HORMAD1: variants seen among roughly 807,000 people sequenced by gnomAD.
HORMAD1 encodes HORMA domain containing 1, also known as HORMA domain-containing protein 1.
HORMAD1 carries 33 observed loss-of-function variants against 58.2 expected under a neutral mutation model. The ratio of observed to expected loss-of-function variants is 0.57; its 90% CI spans 0.43 to 0.76. The LOEUF (loss-of-function observed/expected upper bound fraction) is 0.76, where lower values mean the gene tolerates loss of function less well. Ranked by LOEUF, HORMAD1 falls within the 30% of genes least tolerant of loss-of-function variation. HORMAD1 has a pLI of 0.00. For synonymous variants in HORMAD1, 137 were observed against 144.6 expected, an observed-to-expected ratio of 0.95 and a Z score of 0.38; for missense variants, 363 against 462.0, an observed-to-expected ratio of 0.79 and a Z score of 1.96.
chr1:150,704,381 A>C (rs755742023), intron 10 of HORMAD1, 38 bp from the exon 11 acceptor site: 7 of 1,309,356 alleles, frequency 5.3e-6, no homozygotes, highest in African/African-American at 3.0e-5. Flanking sequence ...GACACATTTC[A>C]AAAAGGAACT....
chr1:150,714,047 C>G, intron 5 of HORMAD1, 38 bp downstream of exon 5: 1 of 1,281,622 alleles, frequency 7.8e-7, no homozygotes, highest in Non-Finnish European at 1.1e-6. Context: ...AGATCATAAA[C>G]TGTAGAAAAA....
At chr1:150,710,062 G>T (rs1447389201) in intron 7 of HORMAD1, among the ~76,000 whole-genome samples, 2 of 152,128 alleles carry the variant, frequency 1.3e-5, no homozygotes, top group Non-Finnish European at 2.9e-5. Flanking sequence ...AGAGACCGGC[G>T]CCGGTGCAGG....
rs181007822 is a variant in HORMAD1 at position 150,714,747 on chromosome 1, T to C, written c.179-69A>G. 4.5e-5 allele frequency: 31 copies of C among 685,100 alleles called. No individual in the cohort carries two copies. In the East Asian group the frequency reaches 8.9e-4, roughly 20 times the overall value. 42.4% of individuals were successfully genotyped at this position (685,100 alleles called of 1,614,324 possible). ...AAACAACTAGAAATTTTAAATGAAG[T>C]TTATTTTCTTCTGCTGTGTATTACA... On this transcript the variant is annotated intron_variant, in intron 3 of 14. Transcript: ENST00000361824.
chr1:150,699,609 C>T (rs1438965730), intron 14 of HORMAD1, among the ~76,000 whole-genome samples: 2 of 151,872 alleles, frequency 1.3e-5, no homozygotes, highest in African/African-American at 4.8e-5. Flanking sequence ...ACTGCAACCT[C>T]CACCTCCCAG....
Position 150,706,894 on chromosome 1 carries a change from G to A in HORMAD1, c.548-85C>T, listed in dbSNP as rs587756217. 4.3e-6 allele frequency: 5 copies of A among 1,164,958 alleles called. No homozygotes were observed. In the South Asian group the frequency reaches 6.9e-5, roughly 16 times the overall value. 72.2% of individuals were successfully genotyped at this position (1,164,958 alleles called of 1,614,324 possible). On this transcript the variant is annotated intron_variant, in intron 9 of 14. Coordinates refer to ENST00000361824, the MANE Select transcript of HORMAD1 (RefSeq NM_032132.5). ...TTATAAAAACACACGCAGATTGCAG[G>A]TATTTCAAATAGTATATAAGGGCAT... is the stretch of plus-strand genomic sequence containing the variant.
At chr1:150,716,072 G>A (rs1368416149) in intron 3 of HORMAD1, among the ~76,000 whole-genome samples, 2 of 150,358 alleles carry the variant, frequency 1.3e-5, no homozygotes, top group African/African-American at 4.9e-5. Context: ...GCAACAAAAA[G>A]GGATGAAGCA....
chr1:150,708,137 G>A, intron 9 of HORMAD1, 119 bp downstream of exon 9: 4 of 656,324 alleles, frequency 6.1e-6, no homozygotes, highest in Non-Finnish European at 1.0e-5. Flanking sequence ...GTGATATTAA[G>A]TGTAAATTTT....
chr1:150,719,361 T>C lies in HORMAD1; in HGVS notation c.33+112A>G, dbSNP rs1652176393. 4.4e-6 allele frequency: 3 copies of C among 684,022 alleles called. No individual in the cohort carries two copies. In the South Asian group the frequency reaches 5.5e-5, roughly 12 times the overall value. 42.4% of individuals were successfully genotyped at this position (684,022 alleles called of 1,614,324 possible). ...TTTCTTAAAACATGCAGTTTCCTGGTATCATAAAACCCTCAAATAGTTGAG... is the reference window on the plus strand; with the variant it reads ...TTTCTTAAAACATGCAGTTTCCTGGCATCATAAAACCCTCAAATAGTTGAG... On this transcript the variant is annotated intron_variant, in intron 2 of 14. Transcript: ENST00000361824.
chr1:150,705,369 T>C (rs924318119), intron 10 of HORMAD1, among the ~76,000 whole-genome samples: 5 of 150,516 alleles, frequency 3.3e-5, no homozygotes, highest in Non-Finnish European at 7.4e-5. Context: ...CTACTAAAAA[T>C]ACAAAATTAG....
At chr1:150,719,729 A>T (rs587679390) in intron 1 of HORMAD1, among the ~76,000 whole-genome samples, 191 bp from the exon 2 acceptor site, 1 of 152,224 alleles carries the variant, frequency 6.6e-6, no homozygotes, top group Non-Finnish European at 1.5e-5. Context: ...ATTTGAAGCC[A>T]TTTGACTAGC....
At chr1:150,717,605 T>C (rs1462657499) in intron 2 of HORMAD1, among the ~76,000 whole-genome samples, 2 of 152,018 alleles carry the variant, frequency 1.3e-5, no homozygotes, top group East Asian at 1.9e-4. Context: ...ACAACCTCCA[T>C]TGGATGCAAG....
At position 150,714,106 on chromosome 1, in the gene HORMAD1, A is replaced by G. The variant is rs1242581889; in HGVS notation, c.258T>C (p.Tyr86=). The part of the protein sequence containing the change: ...TQLVKWMLGC[Y]DALQKKYLRM... ...TTACATATTTTTTCTGTAAAGCATC[A>G]TAACATCCTAGCATCCTAAAAAAAA... Residue 86 remains tyrosine, a synonymous_variant, in exon 5 of 15, where the codon TAT becomes TAC. Coordinates refer to ENST00000361824, the MANE Select transcript of HORMAD1 (RefSeq NM_032132.5). The G allele has an allele frequency of 4.6e-6, 7 of 1,534,532 alleles. No homozygotes were observed. The highest frequency in any genetic ancestry group is 1.2e-5 in the South Asian group (1 of 85,626).
At position 150,704,105 on chromosome 1, in the gene HORMAD1, A is replaced by G; in HGVS notation, c.948+13T>C. 1 of 1,541,616 alleles carries G rather than the reference A, an allele frequency of 6.5e-7. No individual in the cohort carries two copies. The highest frequency in any genetic ancestry group is 1.2e-5 in the South Asian group (1 of 81,230). ...AACAAAACAAAAGTGAGATGAAACT[A>G]TCAAGTTTATACCTGAGAATGAGAA... On this transcript the variant is annotated intron_variant, in intron 12 of 14. Transcript: ENST00000361824.
intron 14 of HORMAD1, 64 bp from the exon 15 acceptor site, chr1:150,698,798 T>G (rs1651447892): frequency 1.1e-6 from 1 of 926,696 alleles, no homozygotes; most frequent in African/African-American, 1.7e-5. Context: ...TAATTGTAGA[T>G]TTTTTCATGT....
intron 1 of HORMAD1, among the ~76,000 whole-genome samples, chr1:150,719,943 T>A (rs958876462): frequency 2.0e-5 from 3 of 152,128 alleles, no homozygotes; most frequent in Admixed American, 6.5e-5. Flanking sequence ...GAGACGGAGT[T>A]TCGCTCTGTC....
At chr1:150,711,461 G>C (rs1651900276) in intron 7 of HORMAD1, 84 bp downstream of exon 7, 1 of 951,984 alleles carries the variant, frequency 1.1e-6, no homozygotes. Context: ...ATAATTAAAA[G>C]CATAAGATAT....
chr1:150,717,518 T>TC (rs1287125626), intron 2 of HORMAD1, among the ~76,000 whole-genome samples: 1 of 151,948 alleles, frequency 6.6e-6, no homozygotes, highest in East Asian at 1.9e-4. Flanking sequence ...ATTTTTTTTT[T>TC]TTATTTTTAA....
chr1:150,712,879 C>G (rs1406206073), intron 5 of HORMAD1, among the ~76,000 whole-genome samples: 3 of 152,182 alleles, frequency 2.0e-5, no homozygotes, highest in African/African-American at 7.2e-5. Flanking sequence ...TCAAATATTA[C>G]ATTTCTATGT....
intron 3 of HORMAD1, among the ~76,000 whole-genome samples, chr1:150,716,934 G>A (rs1487295853): frequency 7.5e-6 from 1 of 132,776 alleles, no homozygotes; most frequent in African/African-American, 2.9e-5. Flanking sequence ...CTGCACTCCA[G>A]CCCGGGCGAG....
Sources: gnomAD v4.1 joint callset for allele counts (sites outside exome capture counted in the v4.1 genomes callset) on GRCh38, gnomAD v4.1.1 for gene constraint, MANE v1.5 for transcripts, NCBI Gene and HGNC (gene_info 2026-07-23, HGNC 2026-07-21) for gene names.